Variants in PIP5K1C observed in about 807,000 individuals in gnomAD.
PIP5K1C encodes phosphatidylinositol-4-phosphate 5-kinase type 1 gamma.
Under a neutral mutation model 80.1 loss-of-function variants are expected in PIP5K1C, and 45 were observed. The observed-to-expected ratio is 0.56, with a 90% confidence interval of 0.44 to 0.72. The LOEUF (loss-of-function observed/expected upper bound fraction) is 0.72, where lower values mean the gene tolerates loss of function less well. Among genes scored for constraint, PIP5K1C ranks in the 30% least tolerant of loss-of-function variants. PIP5K1C has a pLI of 0.00. For missense variants in PIP5K1C, 753 were observed against 954.6 expected, an observed-to-expected ratio of 0.79 and a Z score of 2.78; for synonymous variants, 498 against 420.1, an observed-to-expected ratio of 1.19 and a Z score of -2.27.
chr19:3,683,726 G>A (rs918559527), intron 1 of PIP5K1C, among the ~76,000 whole-genome samples: 1 of 152,168 alleles, frequency 6.6e-6, no homozygotes, highest in Non-Finnish European at 1.5e-5. Flanking sequence ...AGCCAGGCGG[G>A]GGAAGGGCAG....
chr19:3,661,771 G>C (rs554682124), intron 4 of PIP5K1C, 100 bp downstream of exon 4: 4 of 1,446,326 alleles, frequency 2.8e-6, no homozygotes, highest in Non-Finnish European at 3.8e-6. Context: ...GGAGGGGCCA[G>C]GTGCTGCTTT....
chr19:3,676,915 C>T (rs2035377293), intron 1 of PIP5K1C, among the ~76,000 whole-genome samples: 1 of 151,942 alleles, frequency 6.6e-6, no homozygotes, highest in Non-Finnish European at 1.5e-5. Context: ...GCCTGGGCAA[C>T]ATCGTGAGAC....
chr19:3,697,552 C>T (rs2036164727), intron 1 of PIP5K1C, among the ~76,000 whole-genome samples: 1 of 152,142 alleles, frequency 6.6e-6, no homozygotes. Context: ...CCGGGAGAGG[C>T]AGAGGACAGG....
At chr19:3,643,213 G>A (rs1301107364) in intron 13 of PIP5K1C, 30 bp downstream of exon 13, 19 of 1,609,976 alleles carry the variant, frequency 1.2e-5, no homozygotes, top group Non-Finnish European at 1.6e-5. Flanking sequence ...CGGATGCCCC[G>A]CCCACATGCA....
At chr19:3,689,192 T>G (rs2035869181) in intron 1 of PIP5K1C, among the ~76,000 whole-genome samples, 1 of 151,898 alleles carries the variant, frequency 6.6e-6, no homozygotes, top group South Asian at 2.1e-4. Context: ...CACCCAGCCC[T>G]AAAATAACAC....
chr19:3,653,412 CCTT>C lies in PIP5K1C; in HGVS notation c.796_798del (p.Lys266del), dbSNP rs763243825. ...TAGGTGGGGAAGCTCTTCTCCTTCT[CCTT>C]CTTGCTGGCGCGCCGCTTGTAGGTG... On this transcript the variant is annotated inframe_deletion, in exon 7 of 18. Coordinates refer to ENST00000335312, the MANE Select transcript of PIP5K1C (RefSeq NM_012398.3). 4.1e-5 allele frequency: 66 copies of C among 1,613,248 alleles called. No homozygotes were observed. The highest frequency in any genetic ancestry group is 1.7e-6 in the Non-Finnish European group (2 of 1,180,040).
intron 1 of PIP5K1C, among the ~76,000 whole-genome samples, chr19:3,680,103 C>G (rs1274318267): frequency 6.6e-6 from 1 of 152,186 alleles, no homozygotes; most frequent in Non-Finnish European, 1.5e-5. Context: ...TGACTACAGG[C>G]TAGTTCTTAC....
chr19:3,656,400 C>G lies in PIP5K1C; in HGVS notation c.621+5G>C. 1 of 1,613,180 alleles carries G rather than the reference C, an allele frequency of 6.2e-7. No homozygotes were observed. Among genetic ancestry groups the G allele is most frequent in the Non-Finnish European group, 8.5e-7 (1 of 1,179,982 alleles). ...GCCATCTGCCCCGCAGGGCGGGCCA[C>G]GCACCATGTAGTAGCCAGGGAGCAG... On this transcript the variant is annotated splice_donor_5th_base_variant and intron_variant, in intron 6 of 17. Transcript: ENST00000335312.
chr19:3,661,793 G>A, intron 4 of PIP5K1C, 78 bp downstream of exon 4: 1 of 1,564,448 alleles, frequency 6.4e-7, no homozygotes, highest in Non-Finnish European at 8.7e-7. Context: ...AGCAGAGAAG[G>A]GCGCTCAGGA....
chr19:3,659,513 C>T (rs979880227), intron 5 of PIP5K1C, among the ~76,000 whole-genome samples: 2 of 152,248 alleles, frequency 1.3e-5, no homozygotes, highest in African/African-American at 4.8e-5. Context: ...CAGGCTGCTG[C>T]CTTCTGTTCC....
chr19:3,671,821 G>C (rs2035215067), intron 1 of PIP5K1C, among the ~76,000 whole-genome samples: 1 of 152,234 alleles, frequency 6.6e-6, no homozygotes, highest in Non-Finnish European at 1.5e-5. Context: ...CACAGAGCCT[G>C]CCGTGACCCC....
In PIP5K1C at chr19:3,637,218, A is replaced by G. The variant is rs2033723884; in HGVS notation, c.1920+1666T>C. The G allele has an allele frequency of 1.4e-6, 2 of 1,437,928 alleles. No individual in the cohort carries two copies. Among genetic ancestry groups the G allele is most frequent in the Admixed American group, 2.8e-5 (1 of 36,140 alleles). 89.1% of individuals were successfully genotyped at this position (1,437,928 alleles called of 1,614,324 possible). A position where few individuals can be genotyped will look rare whatever the true frequency, so the allele number is the denominator to read the frequency against. ...ACCCTGACACGAGAGGGCTGGGTCC[A>G]GGGGCAGAGAGGGGCTCGCTGGGGT... On this transcript the variant is annotated intron_variant, in intron 16 of 17. Transcript: ENST00000335312. This position sits in a 1 kb window ranked among gnomAD's most constrained non-coding sequence, Gnocchi z 7.0.
Position 3,653,356 on chromosome 19 carries a change from G to C in PIP5K1C, c.855C>G (p.Pro285=), listed in dbSNP as rs758969295. ...TGTCGGCGTCCAGCAGGAGCCCCTC[G>C]GGCATGTCCTGCATGAAGTCCAGGT... ...YKDLDFMQDM[P]EGLLLDADTF... is the part of the protein sequence containing the mutation. The change falls in exon 7 of 18, where the codon CCC becomes CCG. Residue 285 remains proline (P), a synonymous_variant. Transcript: ENST00000335312. 1.9e-6 allele frequency: 3 copies of C among 1,612,072 alleles called. No individual in the cohort carries two copies. In the African/African-American group the frequency reaches 4.0e-5, roughly 22 times the overall value.
intron 12 of PIP5K1C, 120 bp from the exon 13 acceptor site, chr19:3,643,501 G>GACACTCCCACCTCCCCAC: frequency 7.6e-6 from 9 of 1,184,354 alleles, no homozygotes; most frequent in Non-Finnish European, 1.1e-5. Context: ...CCGCCTCCCA[G>GACACTCCCACCTCCCCAC]ACACTCCCAC....
rs748978994 is a variant in PIP5K1C, at chr19:3,633,170, C to T, written c.2005-1G>A. On this transcript the variant is annotated splice_acceptor_variant, in intron 17 of 17. Transcript: ENST00000335312. LOFTEE classifies it high-confidence loss of function. ...TGGGTCGGGGGCTGCATAGAAATTA[C>T]TGCAAGAGCAAGAGGACAGGTGAAG... 1.0e-5 allele frequency: 8 copies of T among 768,218 alleles called. No homozygotes were observed. Among genetic ancestry groups the T allele is most frequent in the Non-Finnish European group, 1.7e-5 (7 of 412,814 alleles). The allele number at this position is 768,218 out of a possible 1,614,324, so 47.6% of individuals were successfully genotyped here. A position where few individuals can be genotyped will look rare whatever the true frequency, so the allele number is the denominator to read the frequency against.
chr19:3,652,441 G>A (rs1172559186), intron 7 of PIP5K1C, among the ~76,000 whole-genome samples: 1 of 152,226 alleles, frequency 6.6e-6, no homozygotes, highest in Non-Finnish European at 1.5e-5. Context: ...CCCCTGAGTG[G>A]TCTGGGCGGT....
At chr19:3,683,602 G>A (rs901421703) in intron 1 of PIP5K1C, among the ~76,000 whole-genome samples, 1 of 152,366 alleles carries the variant, frequency 6.6e-6, no homozygotes, top group Admixed American at 6.5e-5. Context: ...GCTCAGAGAG[G>A]TCAGATCGCT....
chr19:3,681,773 G>A (rs1055481298), intron 1 of PIP5K1C, among the ~76,000 whole-genome samples: 3 of 151,460 alleles, frequency 2.0e-5, no homozygotes, highest in Non-Finnish European at 4.4e-5. Flanking sequence ...GGCAGCCCCT[G>A]GGGGAGGGCA....
chr19:3,675,522 G>A (rs1303474767), intron 1 of PIP5K1C, among the ~76,000 whole-genome samples: 2 of 152,150 alleles, frequency 1.3e-5, no homozygotes, highest in African/African-American at 2.4e-5. Flanking sequence ...TTTGTGAAAC[G>A]CAGTAAACAG....
Sources: gnomAD v4.1 joint callset for allele counts (sites outside exome capture counted in the v4.1 genomes callset) on GRCh38, gnomAD v4.1.1 for gene constraint, Gnocchi (gnomAD v3.1) non-coding constraint, MANE v1.5 for transcripts, NCBI Gene and HGNC (gene_info 2026-07-23, HGNC 2026-07-21) for gene names.